Variants in WDR3 observed in about 807,000 individuals in gnomAD.
WDR3 encodes the protein WD repeat domain 3, also known as WD repeat-containing protein 3.
A neutral mutation model predicts 123.7 loss-of-function variants in WDR3; 81 were observed. The observed-to-expected ratio is 0.65, with a 90% CI of 0.55 to 0.79. The LOEUF (loss-of-function observed/expected upper bound fraction) is 0.79, where lower values mean the gene tolerates loss of function less well. Ranked by LOEUF, WDR3 falls within the 30% of genes least tolerant of loss-of-function variation. The pLI, the probability that WDR3 is intolerant of heterozygous loss-of-function variation, is 0.00. For missense variants in WDR3, 1,027 were observed against 1,123.2 expected, an observed-to-expected ratio of 0.91 and a Z score of 1.22; for synonymous variants, 390 against 388.8, an observed-to-expected ratio of 1.00 and a Z score of -0.04.
rs1557819184 is a variant in WDR3 at position 117,941,842 on chromosome 1, AG to A, written c.985del (p.Ala329GlnfsTer19). ...DKKMKKARKKAKLHSSKGEEE... is the reference protein window; with the variant it reads ...DKKMKKARKKXKLHSSKGEEE... ...AGAAGATGAAGAAAGCTAGAAAGAA[AG>A]CAAAGTATGTTTTCTTAATACTTAC... On this transcript the variant is annotated frameshift_variant, in exon 9 of 27. Transcript: ENST00000349139. LOFTEE classifies it high-confidence loss of function. The A allele has an allele frequency of 6.2e-7, 1 of 1,607,960 alleles. No homozygotes were observed. The highest frequency in any genetic ancestry group is 2.2e-5 in the East Asian group (1 of 44,720).
intron 5 of WDR3, 51 bp downstream of exon 5, chr1:117,938,609 A>T (rs1651026046): frequency 6.6e-7 from 1 of 1,524,566 alleles, no homozygotes; most frequent in African/African-American, 1.4e-5. Flanking sequence ...CAAAAGGGAA[A>T]AGGTGGTGGT....
At chr1:117,933,025 T>C (rs1298700581) in intron 1 of WDR3, among the ~76,000 whole-genome samples, 2 of 133,204 alleles carry the variant, frequency 1.5e-5, no homozygotes, top group African/African-American at 5.8e-5. Context: ...TGAAACCCCA[T>C]CTCTACTAAA....
chr1:117,941,754 C>G lies in WDR3; in HGVS notation c.896C>G (p.Thr299Ser). The G allele has an allele frequency of 6.2e-7, 1 of 1,609,866 alleles. No individual in the cohort carries two copies. The highest frequency in any genetic ancestry group is 1.3e-5 in the African/African-American group (1 of 74,808). The change falls in exon 9 of 27, where the codon ACT becomes AGT. Residue 299 changes from threonine (T) to serine (S), a missense_variant. Thr to Ser is a moderately conservative substitution (Grantham distance 58). Transcript: ENST00000349139. Reference protein sequence around the residue: ...KTGRILACHGTDSVLELFCIL... With the variant: ...KTGRILACHGSDSVLELFCIL... ...ATTAACCTTTTGCCTTTCTAGGGAA[C>G]TGACTCTGTGCTAGAATTGTTTTGT... is the stretch of plus-strand genomic sequence containing the variant.
Position 117,957,155 on chromosome 1 carries a change from T to C in WDR3, c.2541T>C (p.Ser847=), listed in dbSNP as rs1557829581. The change falls in exon 25 of 27, where the codon TCT becomes TCC. Residue 847 remains serine, a synonymous_variant. Coordinates refer to ENST00000349139, the MANE Select transcript of WDR3 (RefSeq NM_006784.3). The part of the protein sequence containing the change: ...KLFNEFIQLG[S]DVELICRCLF... ...TTAACGAATTCATTCAGCTGGGCTC[T>C]GATGTTGAACTTATATGCCGGTGCC... 1.2e-6 allele frequency: 2 copies of C among 1,612,800 alleles called. No individual in the cohort carries two copies. The highest frequency in any genetic ancestry group is 1.7e-5 in the Admixed American group (1 of 59,750).
rs1653491594 is a variant in WDR3 at position 117,964,148 on chromosome 1, G to T, written c.*4701G>T. The T allele has an allele frequency of 2.3e-6, 1 of 432,960 alleles. No individual in the cohort carries two copies. The highest frequency in any genetic ancestry group is 4.2e-6 in the Non-Finnish European group (1 of 239,426). The allele number at this position is 432,960 out of a possible 1,614,324, so 26.8% of individuals were successfully genotyped here. ...TAGAATGTCTTCTGTTCTCCCTAGT[G>T]TACATTTCTCTCCTAACTGTGACTG... On this transcript the variant is annotated 3_prime_UTR_variant, in exon 27 of 27. Coordinates refer to ENST00000349139, the MANE Select transcript of WDR3 (RefSeq NM_006784.3).
At position 117,946,116 on chromosome 1, in the gene WDR3, C is replaced by T; in HGVS notation, c.1359C>T (p.Thr453=). The change falls in exon 12 of 27, where the codon ACC becomes ACT. Residue 453 remains threonine, a synonymous_variant. Coordinates refer to ENST00000349139, the MANE Select transcript of WDR3 (RefSeq NM_006784.3). The part of the protein sequence containing the change: ...RSTLQCIRTM[T]CEYALCSFFV... ...CACTGCAGTGTATTCGCACAATGAC[C>T]TGTGAATATGCACTTTGCTCATTCT... The T allele has an allele frequency of 5.0e-6, 8 of 1,612,956 alleles. No homozygotes were observed. The highest frequency in any genetic ancestry group is 6.8e-6 in the Non-Finnish European group (8 of 1,179,322).
rs1456188636 is a variant in WDR3 at position 117,965,239 on chromosome 1, C to T, written c.*5792C>T. 1 of 152,040 alleles carries T rather than the reference C, an allele frequency of 6.6e-6. No individual in the cohort carries two copies. Among genetic ancestry groups the T allele is most frequent in the Non-Finnish European group, 1.5e-5 (1 of 68,018 alleles). 9.4% of individuals were successfully genotyped at this position (152,040 alleles called of 1,614,324 possible). A position where few individuals can be genotyped will look rare whatever the true frequency, so the allele number is the denominator to read the frequency against. Reference sequence around the variant, plus strand: ...CTCAATAGCATCCGTCAATTGTGTCCGTCTTTTCCTTGAAATTCTTCCTAA... The same window carrying T: ...CTCAATAGCATCCGTCAATTGTGTCTGTCTTTTCCTTGAAATTCTTCCTAA... On this transcript the variant is annotated 3_prime_UTR_variant, in exon 27 of 27. Coordinates refer to ENST00000349139, the MANE Select transcript of WDR3 (RefSeq NM_006784.3).
At chr1:117,952,705 T>TG (rs1260638159) in intron 19 of WDR3, 43 bp downstream of exon 19, 7 of 1,600,116 alleles carry the variant, frequency 4.4e-6, no homozygotes, top group Non-Finnish European at 6.0e-6. Flanking sequence ...AGTAGGTATC[T>TG]GACAGGCTGT....
At chr1:117,930,805 T>A (rs1650685728) in intron 1 of WDR3, among the ~76,000 whole-genome samples, 1 of 152,154 alleles carries the variant, frequency 6.6e-6, no homozygotes, top group Non-Finnish European at 1.5e-5. Flanking sequence ...AATTTTGGAG[T>A]TAGACTGGCT....
chr1:117,949,859 C>G (rs756009820), intron 14 of WDR3, 23 bp downstream of exon 14: 6 of 1,612,408 alleles, frequency 3.7e-6, no homozygotes, highest in Non-Finnish European at 1.7e-6. Context: ...TTTTTGTGTC[C>G]ATTTTTTGGA....
intron 25 of WDR3, 60 bp from the exon 26 acceptor site, chr1:117,958,850 G>T: frequency 8.1e-7 from 1 of 1,241,612 alleles, no homozygotes. Flanking sequence ...ACTGTTTCTA[G>T]AAGGGTTAAG....
Position 117,964,931 on chromosome 1 carries a change from G to A in WDR3, c.*5484G>A, listed in dbSNP as rs1298328720. 10 of 152,030 alleles carry A rather than the reference G, an allele frequency of 6.6e-5. No individual in the cohort carries two copies. Among genetic ancestry groups the A allele is most frequent in the African/African-American group, 2.4e-5 (1 of 41,394 alleles). The allele number at this position is 152,030 out of a possible 1,614,324, so 9.4% of individuals were successfully genotyped here. Reference sequence around the variant, plus strand: ...ATTCTTTTGCCCTGTTTTGGATATTGCAGTTTCAATCACTTCTACTCATTC... The same window carrying A: ...ATTCTTTTGCCCTGTTTTGGATATTACAGTTTCAATCACTTCTACTCATTC... On this transcript the variant is annotated 3_prime_UTR_variant, in exon 27 of 27. Transcript: ENST00000349139.
At chr1:117,934,732 C>T in intron 3 of WDR3, 50 bp downstream of exon 3, 1 of 1,592,344 alleles carries the variant, frequency 6.3e-7, no homozygotes, top group African/African-American at 1.3e-5. Context: ...GAATGTAAGG[C>T]TTATGCTGAA....
intron 1 of WDR3, among the ~76,000 whole-genome samples, chr1:117,932,756 G>A (rs1650779263): frequency 6.6e-6 from 1 of 152,122 alleles, no homozygotes; most frequent in Non-Finnish European, 1.5e-5. Flanking sequence ...ATGACAACGT[G>A]ACTAATTTGG....
chr1:117,963,988 A>G lies in WDR3; in HGVS notation c.*4541A>G. On this transcript the variant is annotated 3_prime_UTR_variant, in exon 27 of 27. Coordinates refer to ENST00000349139, the MANE Select transcript of WDR3 (RefSeq NM_006784.3). ...CTTTTCATGACTAAATTATTTGCATATATAAACCTAAATAACATTTTAGAA... is the reference window on the plus strand; with the variant it reads ...CTTTTCATGACTAAATTATTTGCATGTATAAACCTAAATAACATTTTAGAA... 1.9e-6 allele frequency: 3 copies of G among 1,557,204 alleles called. No homozygotes were observed. Among genetic ancestry groups the G allele is most frequent in the Non-Finnish European group, 2.6e-6 (3 of 1,147,404 alleles).
At chr1:117,937,396 C>T (rs1650981285) in intron 4 of WDR3, among the ~76,000 whole-genome samples, 1 of 152,030 alleles carries the variant, frequency 6.6e-6, no homozygotes, top group African/African-American at 2.4e-5. Context: ...AATGAATATT[C>T]CTAAAGAATG....
rs1040183512 is a variant in WDR3 at position 117,933,507 on chromosome 1, C to A, written c.171+17C>A. 6.2e-7 allele frequency: 1 copy of A among 1,613,616 alleles called. No homozygotes were observed. Among genetic ancestry groups the A allele is most frequent in the African/African-American group, 1.3e-5 (1 of 74,884 alleles). On this transcript the variant is annotated intron_variant, in intron 2 of 26. Coordinates refer to ENST00000349139, the MANE Select transcript of WDR3 (RefSeq NM_006784.3). The stretch of plus-strand genomic sequence containing the variant: ...GGAGAGAAGGTGAGCCTAAAATGAC[C>A]AGTTTGATACTGATTTATTGGTATT...
intron 12 of WDR3, among the ~76,000 whole-genome samples, chr1:117,947,405 A>T (rs959186069): frequency 6.6e-6 from 1 of 152,232 alleles, no homozygotes. Flanking sequence ...TCTTGCTTCA[A>T]CAAAAAAATG....
intron 11 of WDR3, among the ~76,000 whole-genome samples, chr1:117,944,555 A>G (rs1651299298): frequency 6.6e-6 from 1 of 152,204 alleles, no homozygotes; most frequent in African/African-American, 2.4e-5. Flanking sequence ...AAGCATTTCA[A>G]ACTTTTATGT....
Sources: gnomAD v4.1 joint callset for allele counts (sites outside exome capture counted in the v4.1 genomes callset) on GRCh38, gnomAD v4.1.1 for gene constraint, MANE v1.5 for transcripts, NCBI Gene and HGNC (gene_info 2026-07-23, HGNC 2026-07-21) for gene names.